SGK3: variants seen among roughly 807,000 people sequenced by gnomAD.
SGK3 encodes the protein serine/threonine-protein kinase Sgk3.
In SGK3, 47 loss-of-function variants were observed where a neutral mutation model predicts 68.5. The observed-to-expected ratio is 0.69, with a 90% CI of 0.54 to 0.87. The LOEUF is 0.87. SGK3 is among the 40% of genes least tolerant of loss of function. The pLI is 0.00. For synonymous variants in SGK3, 181 were observed against 189.1 expected (o/e 0.96, Z 0.35); for missense variants, 479 against 575.5 (o/e 0.83, Z 1.72).
intron 1 of SGK3, among the ~76,000 whole-genome samples, chr8:66,759,304 C>T (rs1318749031): frequency 6.6e-6 from 1 of 151,464 alleles, no homozygotes. Context: ...AGGCTGGTCT[C>T]GAACTCCTGA....
intron 1 of SGK3, among the ~76,000 whole-genome samples, chr8:66,790,124 T>G (rs1218706941): frequency 6.6e-6 from 1 of 152,156 alleles, no homozygotes; most frequent in Non-Finnish European, 1.5e-5. Flanking sequence ...TAGTCTTCCT[T>G]GATCTAAGAT....
At chr8:66,771,195 A>T (rs1299739979) in intron 1 of SGK3, among the ~76,000 whole-genome samples, 1 of 150,652 alleles carries the variant, frequency 6.6e-6, no homozygotes, top group Non-Finnish European at 1.5e-5. Context: ...ACAGTCTATT[A>T]CCAATAGCCT....
intron 7 of SGK3, 95 bp from the exon 8 acceptor site, chr8:66,831,159 A>C (rs1809286816): frequency 2.7e-6 from 4 of 1,459,062 alleles, no homozygotes; most frequent in Non-Finnish European, 3.8e-6. Flanking sequence ...TTTGTGCCTA[A>C]CATTTATTTT....
intron 1 of SGK3, among the ~76,000 whole-genome samples, chr8:66,779,589 T>A (rs111699873): frequency 2.3e-5 from 3 of 127,996 alleles, no homozygotes; most frequent in East Asian, 2.1e-4. Flanking sequence ...TATATATATA[T>A]ATATATATAT....
intron 3 of SGK3, among the ~76,000 whole-genome samples, chr8:66,802,987 A>G (rs80151967): frequency 0.033 from 5,014 of 152,290 alleles, 286 homozygotes; most frequent in African/African-American, 0.11. Flanking sequence ...TCTTTAAAAG[A>G]TAAAGATTCT....
chr8:66,796,427 A>G (rs557174320), intron 2 of SGK3, among the ~76,000 whole-genome samples: 116 of 146,136 alleles, frequency 7.9e-4, no homozygotes, highest in African/African-American at 2.8e-3. Context: ...GGCCTCCCAA[A>G]GTGCTGGGAT....
intron 1 of SGK3, among the ~76,000 whole-genome samples, chr8:66,729,741 T>TTA: frequency 2.0e-5 from 3 of 146,880 alleles, no homozygotes; most frequent in African/African-American, 8.1e-5. Flanking sequence ...TTATTTTTAT[T>TTA]TATTTATTTA....
At chr8:66,843,020 G>A (rs899474627) in intron 13 of SGK3, among the ~76,000 whole-genome samples, 2 of 152,156 alleles carry the variant, frequency 1.3e-5, no homozygotes, top group Admixed American at 1.3e-4. Context: ...GCAGTGAGCT[G>A]TGATTGTGCC....
At chr8:66,830,447 G>T (rs527556639) in intron 7 of SGK3, among the ~76,000 whole-genome samples, 2 of 152,236 alleles carry the variant, frequency 1.3e-5, no homozygotes, top group Middle Eastern at 3.4e-3. Flanking sequence ...TTGAATTAAC[G>T]ATTTTTTGAT....
At chr8:66,837,076 C>G (rs1264299546) in intron 10 of SGK3, among the ~76,000 whole-genome samples, 1 of 152,074 alleles carries the variant, frequency 6.6e-6, no homozygotes, top group Non-Finnish European at 1.5e-5. Flanking sequence ...TATAATTTTA[C>G]CTTCACAACA....
chr8:66,800,137 C>T (rs1337729420), intron 3 of SGK3, among the ~76,000 whole-genome samples: 1 of 151,760 alleles, frequency 6.6e-6, no homozygotes, highest in African/African-American at 2.4e-5. Context: ...GTCAGGAGAT[C>T]GAGACCATCC....
In SGK3 at chr8:66,828,965, GGGGTGTGTGTGTGT is replaced by G. The variant is rs1335235598; in HGVS notation, c.467+264_467+277del. Among the ~76,000 whole-genome samples the G allele has an allele frequency of 9.8e-5, 9 of 91,660 alleles. No individual in the cohort carries two copies. The South Asian group carries it at 3.2e-3, about 32-fold the overall frequency. The allele number at this position is 91,660 out of a possible 152,430, so 60.1% of individuals were successfully genotyped here. ...GTCACTTTTCTGGGTGGGTGGGTGG[GGGGTGTGTGTGTGT>G]GTGTGTGTGTGTGTGTGTGTCTAAA... On this transcript the variant is annotated intron_variant, in intron 7 of 16. Transcript: ENST00000521198.
chr8:66,837,614 C>G (rs1809590176), intron 10 of SGK3, among the ~76,000 whole-genome samples: 1 of 151,990 alleles, frequency 6.6e-6, no homozygotes, highest in South Asian at 2.1e-4. Context: ...AACCCCATCT[C>G]TACAAAAAAA....
At chr8:66,720,179 TGA>T (rs1804756387) in intron 1 of SGK3, among the ~76,000 whole-genome samples, 3 of 152,200 alleles carry the variant, frequency 2.0e-5, no homozygotes, top group Non-Finnish European at 4.4e-5. Context: ...GTTCTTCTAA[TGA>T]GAGTCCGTCA....
At chr8:66,729,170 G>A (rs1159455749) in intron 1 of SGK3, among the ~76,000 whole-genome samples, 1 of 149,568 alleles carries the variant, frequency 6.7e-6, no homozygotes, top group African/African-American at 2.5e-5. Flanking sequence ...AGTGAGCCGA[G>A]ATCGCGCCTC....
rs1212943673 is a variant in SGK3, at chr8:66,859,516, T to A, written c.1426T>A (p.Leu476Met). ...SDYSIVNASV[L>M]EADDAFVGFS... ...CTATTCTATAGTGAATGCCAGTGTATTGGAGGCAGATGATGCATTCGTTGG... is the reference window on the plus strand; with the variant it reads ...CTATTCTATAGTGAATGCCAGTGTAATGGAGGCAGATGATGCATTCGTTGG... The change falls in exon 17 of 17, where the codon TTG becomes ATG. Residue 476 changes from leucine (L) to methionine (M), a missense_variant. This residue lies in a region of SGK3 where 173 missense variants were observed against 214.3 expected (regional missense o/e 0.81). Transcript: ENST00000521198. The A allele has an allele frequency of 5.0e-6, 8 of 1,613,668 alleles. No homozygotes were observed. The highest frequency in any genetic ancestry group is 6.8e-6 in the Non-Finnish European group (8 of 1,179,820).
intron 1 of SGK3, among the ~76,000 whole-genome samples, chr8:66,740,868 C>T (rs1371423463): frequency 7.0e-6 from 1 of 143,230 alleles, no homozygotes; most frequent in Non-Finnish European, 1.5e-5. Context: ...GATTGCGCCA[C>T]TGCACTCCAG....
At chr8:66,714,427 G>A (rs1804576176) in intron 1 of SGK3, among the ~76,000 whole-genome samples, 1 of 145,882 alleles carries the variant, frequency 6.9e-6, no homozygotes, top group Non-Finnish European at 1.5e-5. Context: ...CATGATTCTT[G>A]TTATTGTGAC....
chr8:66,749,739 A>C (rs1805757254), intron 1 of SGK3, among the ~76,000 whole-genome samples: 1 of 152,148 alleles, frequency 6.6e-6, no homozygotes, highest in Non-Finnish European at 1.5e-5. Context: ...CAGAAAGGCC[A>C]GCAAGTGAGG....
Sources: allele counts gnomAD v4.1 joint callset (sites outside exome capture counted in the v4.1 genomes callset), GRCh38; gene constraint gnomAD v4.1.1; regional missense constraint gnomAD v4.1.1; transcripts MANE v1.5; gene names NCBI Gene and HGNC (gene_info 2026-07-23, HGNC 2026-07-21).